ST6GALNAC3: variants seen among roughly 807,000 people sequenced by gnomAD.
The protein encoded by ST6GALNAC3 is alpha-N-acetylgalactosaminide alpha-2,6-sialyltransferase 3.
Under a neutral mutation model 32.7 loss-of-function variants are expected in ST6GALNAC3, and 25 were observed. That is an observed-to-expected ratio of 0.76 (90% CI 0.56 to 1.07). The LOEUF is 1.07. ST6GALNAC3 is among the 50% of genes least tolerant of loss of function. The pLI is 0.00. For missense variants in ST6GALNAC3, 355 were observed against 382.4 expected (o/e 0.93, Z 0.60); for synonymous variants, 129 against 133.1 (o/e 0.97, Z 0.21).
chr1:76,080,252 A>G (rs1226026742), intron 1 of ST6GALNAC3, among the ~76,000 whole-genome samples: 2 of 152,150 alleles, frequency 1.3e-5, no homozygotes, highest in Non-Finnish European at 2.9e-5. Context: ...GGCTCTCAGT[A>G]GGTGATCCTT....
intron 1 of ST6GALNAC3, among the ~76,000 whole-genome samples, chr1:76,205,383 A>G (rs764898656): frequency 3.3e-5 from 5 of 152,004 alleles, no homozygotes; most frequent in African/African-American, 4.8e-5. Flanking sequence ...ACATCTCCCC[A>G]TCTACCTCCC....
At chr1:76,143,392 C>CGTGTGTGT (rs4034974) in intron 1 of ST6GALNAC3, among the ~76,000 whole-genome samples, 11,681 of 142,172 alleles carry the variant, frequency 0.082, 517 homozygotes, top group East Asian at 0.1. Context: ...CTTACCAAGT[C>CGTGTGTGT]GTGTGTGTGT....
At position 76,297,026 on chromosome 1, in the gene ST6GALNAC3, A is replaced by G. The variant is rs574760056; in HGVS notation, c.19-16779A>G. Among the ~76,000 whole-genome samples, 4 of 152,112 alleles carry G rather than the reference A, an allele frequency of 2.6e-5. No individual in the cohort carries two copies. The East Asian group carries it at 7.7e-4, about 29-fold the overall frequency. ...AAATCATCATGTGTAGTTGAGCATC[A>G]GCATTGGTCAGCATCTGTATAGAAC... On this transcript the variant is annotated intron_variant, in intron 1 of 4. Transcript: ENST00000328299.
chr1:76,473,131 T>C (rs1158602677), intron 3 of ST6GALNAC3, among the ~76,000 whole-genome samples: 1 of 152,102 alleles, frequency 6.6e-6, no homozygotes, highest in Non-Finnish European at 1.5e-5. Flanking sequence ...TTGAAAGGAT[T>C]GAACCCTAAC....
At chr1:76,191,075 A>G (rs1168450469) in intron 1 of ST6GALNAC3, among the ~76,000 whole-genome samples, 1 of 152,158 alleles carries the variant, frequency 6.6e-6, no homozygotes, top group Non-Finnish European at 1.5e-5. Context: ...TTTGAGAACC[A>G]CTGAATGGGG....
intron 3 of ST6GALNAC3, among the ~76,000 whole-genome samples, chr1:76,475,270 T>C (rs1659279158): frequency 6.6e-6 from 1 of 152,182 alleles, no homozygotes; most frequent in Non-Finnish European, 1.5e-5. Context: ...CAGCAAGAAC[T>C]GAGTTTAGGT....
chr1:76,169,504 T>TA, intron 1 of ST6GALNAC3, among the ~76,000 whole-genome samples: 1 of 152,330 alleles, frequency 6.6e-6, no homozygotes, highest in East Asian at 1.9e-4. Context: ...TTGCCCTCTC[T>TA]AGCTAGGTTG....
chr1:76,611,387 G>T (rs1647923851), intron 3 of ST6GALNAC3, among the ~76,000 whole-genome samples: 2 of 152,000 alleles, frequency 1.3e-5, no homozygotes, highest in Non-Finnish European at 2.9e-5. Flanking sequence ...CCAAATATCG[G>T]TTGTGTTTCT....
chr1:76,505,756 A>C (rs1661443225), intron 3 of ST6GALNAC3, among the ~76,000 whole-genome samples: 1 of 152,142 alleles, frequency 6.6e-6, no homozygotes, highest in Non-Finnish European at 1.5e-5. Context: ...TTCAGCATGG[A>C]GAGCCCTAGG....
chr1:76,348,861 A>G (rs1648734988), intron 2 of ST6GALNAC3, among the ~76,000 whole-genome samples: 1 of 152,188 alleles, frequency 6.6e-6, no homozygotes, highest in African/African-American at 2.4e-5. Flanking sequence ...ACAATACTTA[A>G]CTTTTTTGAC....
intron 2 of ST6GALNAC3, among the ~76,000 whole-genome samples, chr1:76,345,384 T>A (rs1254338171): frequency 6.7e-6 from 1 of 149,584 alleles, no homozygotes; most frequent in Non-Finnish European, 1.5e-5. Flanking sequence ...GAGTAGAGAG[T>A]AAGGGGTAAG....
At chr1:76,613,895 A>G (rs1157590387) in intron 3 of ST6GALNAC3, among the ~76,000 whole-genome samples, 1 of 152,190 alleles carries the variant, frequency 6.6e-6, no homozygotes, top group East Asian at 1.9e-4. Flanking sequence ...GTGAGAATGG[A>G]CTAATACAGT....
intron 3 of ST6GALNAC3, among the ~76,000 whole-genome samples, chr1:76,556,688 CAA>C (rs1316771502): frequency 6.6e-6 from 1 of 152,026 alleles, no homozygotes; most frequent in East Asian, 1.9e-4. Flanking sequence ...AATGTTTCTT[CAA>C]ATCGTTTGAC....
intron 3 of ST6GALNAC3, among the ~76,000 whole-genome samples, chr1:76,524,707 T>C (rs982850194): frequency 6.9e-6 from 1 of 145,860 alleles, no homozygotes; most frequent in Non-Finnish European, 1.5e-5. Flanking sequence ...TAGAGGCAAA[T>C]ATTTCAGTTT....
intron 2 of ST6GALNAC3, among the ~76,000 whole-genome samples, chr1:76,347,057 A>G (rs1472998090): frequency 2.1e-5 from 3 of 145,814 alleles, no homozygotes; most frequent in Non-Finnish European, 4.7e-5. Context: ...ATGCCACAGC[A>G]TTGTCTAATG....
intron 2 of ST6GALNAC3, among the ~76,000 whole-genome samples, chr1:76,401,202 TTA>T (rs1398058757): frequency 3.3e-5 from 5 of 152,124 alleles, no homozygotes; most frequent in African/African-American, 1.2e-4. Context: ...TCTGAGTCTC[TTA>T]TCTTATTTTT....
intron 1 of ST6GALNAC3, among the ~76,000 whole-genome samples, chr1:76,109,525 C>G (rs532442414): frequency 6.6e-6 from 1 of 152,362 alleles, no homozygotes; most frequent in African/African-American, 2.4e-5. Context: ...TTCCACCTTT[C>G]TAAAGGCTTT....
chr1:76,216,557 G>A (rs934116475), intron 1 of ST6GALNAC3, among the ~76,000 whole-genome samples: 12 of 152,136 alleles, frequency 7.9e-5, no homozygotes, highest in Non-Finnish European at 1.5e-4. Flanking sequence ...TATCTTTGAA[G>A]GATGAATCCA....
At chr1:76,622,705 A>AT (rs748323330) in intron 3 of ST6GALNAC3, among the ~76,000 whole-genome samples, 6 of 151,978 alleles carry the variant, frequency 3.9e-5, no homozygotes, top group Non-Finnish European at 5.9e-5. Flanking sequence ...AAGTGCTACA[A>AT]TTTTTTGCCA....
Sources: allele counts gnomAD v4.1 joint callset (sites outside exome capture counted in the v4.1 genomes callset), GRCh38; gene constraint gnomAD v4.1.1; transcripts MANE v1.5; gene names NCBI Gene and HGNC (gene_info 2026-07-23, HGNC 2026-07-21).